The following C9orf57 variants were observed in gnomAD, a reference collection of about 807,000 sequenced individuals.
C9orf57 encodes the protein uncharacterized protein C9orf57.
In C9orf57, 12 loss-of-function variants were observed where a neutral mutation model predicts 12.9. The ratio of observed to expected loss-of-function variants is 0.93; its 90% confidence interval spans 0.60 to 1.51. C9orf57 has a LOEUF of 1.51. Ranked by LOEUF, C9orf57 falls within the 40% of genes most tolerant of loss-of-function variation. The probability of loss-of-function intolerance (pLI) is 0.00; values close to 1 mark genes in which losing one functional copy is unlikely to be tolerated. For missense variants in C9orf57, 141 were observed against 162.8 expected, an observed-to-expected ratio of 0.87 and a Z score of 0.73; for synonymous variants, 49 against 57.1, an observed-to-expected ratio of 0.86 and a Z score of 0.64.
In C9orf57 at chr9:72,051,949, A is replaced by C; in HGVS notation, c.*347T>G. On this transcript the variant is annotated 3_prime_UTR_variant, in exon 5 of 5. Coordinates refer to ENST00000651200, the MANE Select transcript of C9orf57 (RefSeq NM_001128618.2). ...TTGTAACCATATTTTGGAGTATGGA[A>C]TTATTGAGGGAAATGAAAGTAGTTA... The C allele has an allele frequency of 4.5e-6, 1 of 223,592 alleles. No homozygotes were observed. 13.9% of individuals were successfully genotyped at this position (223,592 alleles called of 1,614,324 possible). A position where few individuals can be genotyped will look rare whatever the true frequency, so the allele number is the denominator to read the frequency against.
Position 72,052,333 on chromosome 9 carries a change from G to T in C9orf57, c.383C>A (p.Thr128Asn), listed in dbSNP as rs992784641. The T allele has an allele frequency of 1.0e-5, 16 of 1,551,854 alleles. No homozygotes were observed. The highest frequency in any genetic ancestry group is 7.3e-5 in the East Asian group (3 of 40,920). The change falls in exon 5 of 5, where the codon ACT (threonine) becomes AAT (asparagine). Residue 128 changes from threonine to asparagine, a missense_variant. Transcript: ENST00000651200. The part of the protein sequence containing the change: ...KRILQLHELV[T>N]THCCNHSLCN... ...CAAAGAATGATTGCAGCAGTGAGTA[G>T]TTACAAGTTCATGCAGTTGCAGAAT... is the stretch of plus-strand genomic sequence containing the variant.
chr9:72,052,067 G>C lies in C9orf57; in HGVS notation c.*229C>G, dbSNP rs903839445. The C allele has an allele frequency of 6.5e-6, 3 of 462,570 alleles. 1 individual carries two copies. The South Asian group carries it at 1.1e-4, about 17-fold the overall frequency. 28.7% of individuals were successfully genotyped at this position (462,570 alleles called of 1,614,324 possible). ...GAAGGTAAATTAAGCAGAAGGAGGA[G>C]AGGAGAGAAATGGTGTTGAAAGGGC... On this transcript the variant is annotated 3_prime_UTR_variant, in exon 5 of 5. Transcript: ENST00000651200.
In C9orf57 at chr9:72,052,454, G is replaced by A. The variant is rs1824100355; in HGVS notation, c.281-19C>T. ...ATGCCACCTGACGGAGAGAAAAGAG[G>A]TAAGGAAATTTCTTGGGAGGTACAA... On this transcript the variant is annotated intron_variant, in intron 4 of 4. Coordinates refer to ENST00000651200, the MANE Select transcript of C9orf57 (RefSeq NM_001128618.2). 4.5e-6 allele frequency: 7 copies of A among 1,549,116 alleles called. No homozygotes were observed. Among genetic ancestry groups the A allele is most frequent in the Non-Finnish European group, 6.1e-6 (7 of 1,145,622 alleles).
chr9:72,057,224 C>T (rs866010420), intron 2 of C9orf57, among the ~76,000 whole-genome samples: 50 of 151,160 alleles, frequency 3.3e-4, no homozygotes, highest in African/African-American at 1.0e-3. Context: ...TAAAACCTAA[C>T]GTAAATTATT....
intron 3 of C9orf57, 104 bp from the exon 4 acceptor site, chr9:72,056,300 A>G: frequency 1.9e-6 from 1 of 514,804 alleles, no homozygotes; most frequent in Non-Finnish European, 2.9e-6. Flanking sequence ...TTTTGACTTT[A>G]TATATATATA....
In C9orf57 at chr9:72,052,368, G is replaced by T; in HGVS notation, c.348C>A (p.Leu116=). Residue 116 remains leucine, a synonymous_variant, in exon 5 of 5, where the codon CTC becomes CTA. Transcript: ENST00000651200. ...KNTSECFKST[L]VKRILQLHEL... Reference sequence around the variant, plus strand: ...CATGCAGTTGCAGAATTCTCTTGACGAGAGTACTCTTGAAGCACTCTGATG... The same window carrying T: ...CATGCAGTTGCAGAATTCTCTTGACTAGAGTACTCTTGAAGCACTCTGATG... 1 of 1,551,968 alleles carries T rather than the reference G, an allele frequency of 6.4e-7. No individual in the cohort carries two copies. Among genetic ancestry groups the T allele is most frequent in the Non-Finnish European group, 8.7e-7 (1 of 1,146,960 alleles).
intron 1 of C9orf57, 83 bp from the exon 2 acceptor site, chr9:72,059,467 G>C: frequency 1.4e-6 from 2 of 1,412,026 alleles, no homozygotes; most frequent in Non-Finnish European, 1.9e-6. Context: ...ATTTCATTAA[G>C]ACAATATAAA....
Position 72,052,385 on chromosome 9 carries a change from A to T in C9orf57, c.331T>A (p.Cys111Ser). The T allele has an allele frequency of 6.4e-7, 1 of 1,552,118 alleles. No individual in the cohort carries two copies. Among genetic ancestry groups the T allele is most frequent in the Non-Finnish European group, 8.7e-7 (1 of 1,147,072 alleles). Residue 111 changes from cysteine to serine, a missense_variant, in exon 5 of 5, where the codon TGC becomes AGC. Coordinates refer to ENST00000651200, the MANE Select transcript of C9orf57 (RefSeq NM_001128618.2). ...CTCTTGACGAGAGTACTCTTGAAGC[A>T]CTCTGATGTGTTCTTTGTGCAGCCT... ...VKGCTKNTSE[C>S]FKSTLVKRIL... is the part of the protein sequence containing the mutation.
intron 4 of C9orf57, among the ~76,000 whole-genome samples, chr9:72,055,738 G>A (rs576706910): frequency 6.6e-6 from 1 of 152,252 alleles, no homozygotes; most frequent in Admixed American, 6.5e-5. Flanking sequence ...TGAAAATTGT[G>A]TATTACTTTT....
rs185904585 is a variant in C9orf57, at chr9:72,056,370, T to C, written c.158-174A>G. Among the ~76,000 whole-genome samples the C allele has an allele frequency of 3.9e-4, 58 of 149,670 alleles. No individual in the cohort carries two copies. The East Asian group carries it at 7.8e-3, about 20-fold the overall frequency. ...TAAATATATATATTTTATTTTTTTTTATGTTTTGGAGAAGGCCAGTTTCAC... is the reference window on the plus strand; with the variant it reads ...TAAATATATATATTTTATTTTTTTTCATGTTTTGGAGAAGGCCAGTTTCAC... On this transcript the variant is annotated intron_variant, in intron 3 of 4. Coordinates refer to ENST00000651200, the MANE Select transcript of C9orf57 (RefSeq NM_001128618.2).
intron 4 of C9orf57, 120 bp downstream of exon 4, chr9:72,055,954 G>A (rs1824190443): frequency 1.5e-5 from 15 of 1,004,970 alleles, no homozygotes; most frequent in Non-Finnish European, 2.0e-5. Context: ...TCATTGTTTT[G>A]TTGGTGTAAT....
Position 72,059,291 on chromosome 9 carries a change from A to T in C9orf57, c.41T>A (p.Leu14His). ...GAGGCGGAATAAGATAACACCTAAGAGGCGGAATAAGATAACACCAGCAAA... is the reference window on the plus strand; with the variant it reads ...GAGGCGGAATAAGATAACACCTAAGTGGCGGAATAAGATAACACCAGCAAA... ...IVFAGVILFR[L>H]LGVILFRLLG... Residue 14 changes from leucine to histidine, a missense_variant, in exon 2 of 5, where the codon CTC becomes CAC. Coordinates refer to ENST00000651200, the MANE Select transcript of C9orf57 (RefSeq NM_001128618.2). The T allele has an allele frequency of 6.4e-7, 1 of 1,551,798 alleles. No homozygotes were observed. The highest frequency in any genetic ancestry group is 8.7e-7 in the Non-Finnish European group (1 of 1,147,008).
chr9:72,060,457 G>T, intron 1 of C9orf57, 40 bp downstream of exon 1: 1 of 999,722 alleles, frequency 1.0e-6, no homozygotes, highest in Non-Finnish European at 1.5e-6. Flanking sequence ...GAAATTGTAA[G>T]ATTGGGTAAA....
In C9orf57 at chr9:72,051,593, T is replaced by G. The variant is rs1824083354; in HGVS notation, c.*703A>C. ...TTTAAATTCCTTGTGGTTGGGAACTTACTTCTCTGCTTACCTTGAACTGCT... is the reference window on the plus strand; with the variant it reads ...TTTAAATTCCTTGTGGTTGGGAACTGACTTCTCTGCTTACCTTGAACTGCT... On this transcript the variant is annotated 3_prime_UTR_variant, in exon 5 of 5. Transcript: ENST00000651200. 1 of 152,208 alleles carries G rather than the reference T, an allele frequency of 6.6e-6. No individual in the cohort carries two copies. Among genetic ancestry groups the G allele is most frequent in the Admixed American group, 6.5e-5 (1 of 15,276 alleles). 9.4% of individuals were successfully genotyped at this position (152,208 alleles called of 1,614,324 possible). A position where few individuals can be genotyped will look rare whatever the true frequency, so the allele number is the denominator to read the frequency against.
Position 72,052,072 on chromosome 9 carries a change from G to C in C9orf57, c.*224C>G. The stretch of plus-strand genomic sequence containing the variant: ...TAAATTAAGCAGAAGGAGGAGAGGA[G>C]AGAAATGGTGTTGAAAGGGCTATTT... On this transcript the variant is annotated 3_prime_UTR_variant, in exon 5 of 5. Coordinates refer to ENST00000651200, the MANE Select transcript of C9orf57 (RefSeq NM_001128618.2). 1 of 478,116 alleles carries C rather than the reference G, an allele frequency of 2.1e-6. No individual in the cohort carries two copies. Among genetic ancestry groups the C allele is most frequent in the African/African-American group, 2.0e-5 (1 of 50,242 alleles). 29.6% of individuals were successfully genotyped at this position (478,116 alleles called of 1,614,324 possible).
In C9orf57 at chr9:72,054,363, G is replaced by A. The variant is rs76346380; in HGVS notation, c.280+1711C>T. The stretch of plus-strand genomic sequence containing the variant: ...CTGCAATGATAACCTTGATACATGT[G>A]TTAAATATAAATATTTTTCTGCAGT... On this transcript the variant is annotated intron_variant, in intron 4 of 4. Coordinates refer to ENST00000651200, the MANE Select transcript of C9orf57 (RefSeq NM_001128618.2). 5.3e-5 allele frequency among the ~76,000 whole-genome samples: 8 copies of A among 152,302 alleles called. No individual in the cohort carries two copies. The East Asian group carries it at 1.5e-3, about 29-fold the overall frequency.
chr9:72,055,994 T>A, intron 4 of C9orf57, 80 bp downstream of exon 4: 1 of 1,427,528 alleles, frequency 7.0e-7, no homozygotes, highest in Non-Finnish European at 9.4e-7. Flanking sequence ...TAGTGTAGCA[T>A]CTGGTATATG....
rs144611236 is a variant in C9orf57 at position 72,051,996 on chromosome 9, C to T, written c.*300G>A. ...GTTAGAGGTGACATGCCTAGTTTGA[C>T]TTGGAGAATCACTAACATTTTTCCT... On this transcript the variant is annotated 3_prime_UTR_variant, in exon 5 of 5. Transcript: ENST00000651200. 1,473 of 293,480 alleles carry T rather than the reference C, an allele frequency of 5.0e-3. 23 individuals carry two copies. Among genetic ancestry groups the T allele is most frequent in the African/African-American group, 0.03 (1,376 of 45,712 alleles). The allele number at this position is 293,480 out of a possible 1,614,324, so 18.2% of individuals were successfully genotyped here. A position where few individuals can be genotyped will look rare whatever the true frequency, so the allele number is the denominator to read the frequency against.
chr9:72,055,370 CTCCCTCCT>C (rs1356087120), intron 4 of C9orf57, among the ~76,000 whole-genome samples: 8 of 28,620 alleles, frequency 2.8e-4, no homozygotes, highest in African/African-American at 6.7e-4. Context: ...CCCTCCCTCC[CTCCCTCCT>C]TCCTTCCTTC....
Sources: allele counts gnomAD v4.1 joint callset (sites outside exome capture counted in the v4.1 genomes callset), GRCh38; gene constraint gnomAD v4.1.1; transcripts MANE v1.5; gene names NCBI Gene and HGNC (gene_info 2026-07-23, HGNC 2026-07-21).